Variants in KCND2 observed in about 807,000 individuals in gnomAD.
The protein encoded by KCND2 is A-type voltage-gated potassium channel KCND2.
Under a neutral mutation model 54.4 loss-of-function variants are expected in KCND2, and 16 were observed. The observed-to-expected ratio is 0.29, with a 90% CI of 0.20 to 0.45. KCND2 has a LOEUF of 0.45. KCND2 is among the 20% of genes least tolerant of loss of function. The pLI, the probability that KCND2 is intolerant of heterozygous loss-of-function variation, is 1.00. For missense variants in KCND2, 486 were observed against 824.2 expected (o/e 0.59, Z 5.02); for synonymous variants, 317 against 310.7 (o/e 1.02, Z -0.21).
intron 1 of KCND2, among the ~76,000 whole-genome samples, chr7:120,594,863 T>G (rs976177295): frequency 6.6e-6 from 1 of 150,832 alleles, no homozygotes; most frequent in African/African-American, 2.4e-5. Context: ...CTACTAAAAA[T>G]ACAAAAATTA....
At chr7:120,741,007 T>C (rs567529245) in intron 2 of KCND2, 12 of 350,362 alleles carry the variant, frequency 3.4e-5, no homozygotes, top group South Asian at 2.9e-4. Context: ...AAAATATAAT[T>C]TTATATTGGA....
At chr7:120,453,366 T>C (rs954985916) in intron 1 of KCND2, among the ~76,000 whole-genome samples, 1 of 152,116 alleles carries the variant, frequency 6.6e-6, no homozygotes, top group African/African-American at 2.4e-5. Context: ...CACTCCAGTG[T>C]TTCTGCCACC....
At chr7:120,440,559 T>A (rs1801932628) in intron 1 of KCND2, among the ~76,000 whole-genome samples, 1 of 152,112 alleles carries the variant, frequency 6.6e-6, no homozygotes, top group Non-Finnish European at 1.5e-5. Context: ...AAAGAATCTT[T>A]TTCCAGACCA....
chr7:120,517,225 GT>G (rs1445227385), intron 1 of KCND2, among the ~76,000 whole-genome samples: 1 of 151,936 alleles, frequency 6.6e-6, no homozygotes, highest in East Asian at 1.9e-4. Context: ...GAATTTATCT[GT>G]GTTGAGGGAC....
intron 1 of KCND2, among the ~76,000 whole-genome samples, chr7:120,383,628 G>A (rs1800943209): frequency 6.6e-6 from 1 of 151,970 alleles, no homozygotes; most frequent in Non-Finnish European, 1.5e-5. Context: ...ACCAAAATAA[G>A]CAACATTTGA....
chr7:120,583,256 T>G (rs1205296319), intron 1 of KCND2, among the ~76,000 whole-genome samples: 2 of 152,184 alleles, frequency 1.3e-5, no homozygotes, highest in African/African-American at 4.8e-5. Flanking sequence ...GACACATTCA[T>G]CGCCAGTTTT....
At chr7:120,622,684 C>A (rs910602867) in intron 1 of KCND2, among the ~76,000 whole-genome samples, 1 of 139,286 alleles carries the variant, frequency 7.2e-6, no homozygotes, top group Non-Finnish European at 1.5e-5. Flanking sequence ...CACACACACA[C>A]ACACACTCTC....
rs562106507 is a variant in KCND2 at position 120,400,451 on chromosome 7, T to G, written c.1115+124704T>G. On this transcript the variant is annotated intron_variant, in intron 1 of 5. Transcript: ENST00000331113. ...GAACTGAAAGTAACACGTTTCCATG[T>G]GTATCTATTGATTGTCTGTCTTTCC... 4.6e-5 allele frequency among the ~76,000 whole-genome samples: 7 copies of G among 152,324 alleles called. No individual in the cohort carries two copies. The South Asian group carries it at 1.4e-3, about 32-fold the overall frequency.
intron 1 of KCND2, among the ~76,000 whole-genome samples, chr7:120,615,490 G>A (rs1162217801): frequency 6.6e-6 from 1 of 152,054 alleles, no homozygotes; most frequent in Non-Finnish European, 1.5e-5. Context: ...TAAATAAATG[G>A]CAAGAAACAT....
chr7:120,339,402 TGA>T (rs1800205851), intron 1 of KCND2, among the ~76,000 whole-genome samples: 1 of 152,150 alleles, frequency 6.6e-6, no homozygotes, highest in Non-Finnish European at 1.5e-5. Context: ...CTCACAAATT[TGA>T]GAGCTTATTA....
chr7:120,657,104 G>A (rs1259281743), intron 1 of KCND2, among the ~76,000 whole-genome samples: 1 of 152,078 alleles, frequency 6.6e-6, no homozygotes, highest in Non-Finnish European at 1.5e-5. Flanking sequence ...AGTTATTCAT[G>A]TAGAAGAAAT....
At chr7:120,342,380 T>G (rs1368040116) in intron 1 of KCND2, among the ~76,000 whole-genome samples, 1 of 152,190 alleles carries the variant, frequency 6.6e-6, no homozygotes, top group Admixed American at 6.5e-5. Context: ...ATTCAAATAT[T>G]GAATGCATTT....
chr7:120,464,905 A>G (rs1057076078), intron 1 of KCND2, among the ~76,000 whole-genome samples: 3 of 152,156 alleles, frequency 2.0e-5, no homozygotes, highest in Admixed American at 6.5e-5. Context: ...AAAATTTTCA[A>G]CTTTTAAAGG....
intron 1 of KCND2, among the ~76,000 whole-genome samples, chr7:120,696,753 T>C (rs1209605121): frequency 6.6e-6 from 1 of 152,216 alleles, no homozygotes; most frequent in African/African-American, 2.4e-5. Flanking sequence ...CCTTCTGTCT[T>C]CTGCCTTAGA....
chr7:120,660,504 TA>T (rs1330163420), intron 1 of KCND2, among the ~76,000 whole-genome samples: 1 of 152,246 alleles, frequency 6.6e-6, no homozygotes, highest in African/African-American at 2.4e-5. Flanking sequence ...ACTTTTATGT[TA>T]AGTTTGTTTA....
intron 1 of KCND2, among the ~76,000 whole-genome samples, chr7:120,384,600 T>C (rs1800961354): frequency 6.6e-6 from 1 of 152,166 alleles, no homozygotes; most frequent in Non-Finnish European, 1.5e-5. Context: ...TCCACTTTAT[T>C]ACTGGATCTA....
At chr7:120,351,750 C>T (rs916798137) in intron 1 of KCND2, among the ~76,000 whole-genome samples, 8 of 151,970 alleles carry the variant, frequency 5.3e-5, no homozygotes, top group Admixed American at 5.3e-4. Flanking sequence ...TCTCCTGGCA[C>T]TATATACTAT....
intron 1 of KCND2, among the ~76,000 whole-genome samples, chr7:120,444,365 G>A (rs928220914): frequency 6.6e-6 from 1 of 152,070 alleles, no homozygotes; most frequent in Admixed American, 6.6e-5. Flanking sequence ...TGTTTCTGAG[G>A]TACAAAGCAC....
chr7:120,279,844 T>C (rs916890366), intron 1 of KCND2, among the ~76,000 whole-genome samples: 2 of 151,898 alleles, frequency 1.3e-5, no homozygotes, highest in Non-Finnish European at 2.9e-5. Flanking sequence ...ATGTTATAAT[T>C]ATATATTATT....
Sources: allele counts gnomAD v4.1 joint callset (sites outside exome capture counted in the v4.1 genomes callset), GRCh38; gene constraint gnomAD v4.1.1; transcripts MANE v1.5; gene names NCBI Gene and HGNC (gene_info 2026-07-23, HGNC 2026-07-21).